The following F8 variants were observed in gnomAD, a reference collection of about 807,000 sequenced individuals.
The protein encoded by F8 is antihemophilic factor.
A neutral mutation model predicts 140.6 loss-of-function variants in F8; 12 were observed. That is an observed-to-expected ratio of 0.09 (90% CI 0.05 to 0.14). F8 has a LOEUF of 0.14. Ranked by LOEUF, F8 falls within the 10% of genes least tolerant of loss-of-function variation. The pLI, the probability that F8 is intolerant of heterozygous loss-of-function variation, is 1.00. For synonymous variants in F8, 585 were observed against 614.6 expected, an observed-to-expected ratio of 0.95 and a Z score of 0.71; for missense variants, 1,354 against 1,720.7, an observed-to-expected ratio of 0.79 and a Z score of 3.77.
At position 154,930,571 on chromosome X, in the gene F8, T is replaced by G; in HGVS notation, c.3219A>C (p.Lys1073Asn). ...GATTTAGCCTCAAAGCTGTAGCATTTTTGTCCATAAGCATTCTGTCATGAA... is the reference window on the plus strand; with the variant it reads ...GATTTAGCCTCAAAGCTGTAGCATTGTTGTCCATAAGCATTCTGTCATGAA... Reference protein sequence around the residue: ...PLIHDRMLMDKNATALRLNHM... With the variant: ...PLIHDRMLMDNNATALRLNHM... Residue 1073 changes from lysine to asparagine, a missense_variant, in exon 14 of 26, where the codon AAA (lysine) becomes AAC (asparagine). Around this residue, in one of 4 missense-constraint regions of F8, gnomAD observed 658 missense variants for 666.5 expected, o/e 0.99. Transcript: ENST00000360256. The G allele has an allele frequency of 1.7e-6, 2 of 1,211,006 alleles. No individual in the cohort carries two copies. The highest frequency in any genetic ancestry group is 2.2e-6 in the Non-Finnish European group (2 of 894,605).
At chrX:154,903,335 C>A (rs1268626128) in intron 18 of F8, among the ~76,000 whole-genome samples, 1 of 111,071 alleles carries the variant, frequency 9.0e-6, no homozygotes, top group Non-Finnish European at 1.9e-5. Flanking sequence ...CAGGTATATA[C>A]CACATGTCTG....
At chrX:155,015,053 G>A (rs1557286912) in intron 1 of F8, among the ~76,000 whole-genome samples, 2 of 112,249 alleles carry the variant, frequency 1.8e-5, no homozygotes, top group South Asian at 7.3e-4. Flanking sequence ...AAAACAATCT[G>A]GTACTGGCAT....
chrX:154,874,842 C>T (rs1444461222), intron 22 of F8, among the ~76,000 whole-genome samples: 1 of 112,041 alleles, frequency 8.9e-6, no homozygotes, highest in Non-Finnish European at 1.9e-5. Context: ...CTGGCAATCT[C>T]ACTTCTGTTA....
intron 2 of F8, 76 bp from the exon 3 acceptor site, chrX:154,997,171 T>C: frequency 1.8e-6 from 2 of 1,129,729 alleles, no homozygotes. Flanking sequence ...AAAGTTAGAG[T>C]CAAGGTCACA....
At chrX:154,907,061 CTGGA>C (rs1227096290) in intron 14 of F8, among the ~76,000 whole-genome samples, 41 of 112,030 alleles carry the variant, frequency 3.7e-4, no homozygotes, top group African/African-American at 1.2e-3. Flanking sequence ...ACAAGACTCA[CTGGA>C]TGTCCCTTTT....
rs139232325 is a variant in F8 at position 154,974,219 on chromosome X, G to C, written c.788-4667C>G. 5.7e-3 allele frequency among the ~76,000 whole-genome samples: 639 copies of C among 111,664 alleles called. 7 individuals carry two copies. The highest frequency in any genetic ancestry group is 0.02 in the African/African-American group (607 of 30,718). ...GTGTTGAATAGAAGTGGTGAGGGTG[G>C]ATATGCTTGTCTTATTCCAGTTCTT... On this transcript the variant is annotated intron_variant, in intron 6 of 25. Coordinates refer to ENST00000360256, the MANE Select transcript of F8 (RefSeq NM_000132.4).
intron 14 of F8, among the ~76,000 whole-genome samples, chrX:154,926,292 T>C: frequency 8.9e-6 from 1 of 112,297 alleles, no homozygotes; most frequent in East Asian, 2.8e-4. Context: ...TACAGGATCC[T>C]TTACAGATTA....
At chrX:154,947,621 G>A (rs2124081924) in intron 13 of F8, 77 bp downstream of exon 13, 2 of 756,272 alleles carry the variant, frequency 2.6e-6, no homozygotes, top group Non-Finnish European at 4.1e-6. Context: ...CAGCATGTGA[G>A]CTAGTGGGCA....
chrX:154,965,802 T>A, intron 9 of F8, 168 bp downstream of exon 9: 1 of 485,071 alleles, frequency 2.1e-6, no homozygotes, highest in Non-Finnish European at 3.4e-6. Context: ...TTTTATTCTA[T>A]ATACTCAAAC....
intron 22 of F8, among the ~76,000 whole-genome samples, chrX:154,877,330 G>A (rs368554405): frequency 8.3e-4 from 93 of 111,721 alleles, no homozygotes; most frequent in African/African-American, 3.0e-3. Flanking sequence ...GGCCTTGAAA[G>A]TGAGAGAGAG....
chrX:154,877,916 T>C (rs1247065913), intron 22 of F8, among the ~76,000 whole-genome samples: 8 of 111,642 alleles, frequency 7.2e-5, no homozygotes, highest in African/African-American at 2.6e-4. Context: ...ATTCAACAAA[T>C]AGTTAATGAC....
chrX:154,975,660 T>C (rs1307105937), intron 6 of F8, among the ~76,000 whole-genome samples: 1 of 112,170 alleles, frequency 8.9e-6, no homozygotes, highest in African/African-American at 3.2e-5. Context: ...AAGTGGGGTG[T>C]TAAAGTTTTC....
intron 25 of F8, among the ~76,000 whole-genome samples, chrX:154,841,468 T>TA (rs2072521567): frequency 1.8e-5 from 2 of 109,937 alleles, no homozygotes; most frequent in Non-Finnish European, 3.8e-5. Context: ...TTGGAATTTT[T>TA]AAATGCTATT....
At chrX:154,962,726 CG>C (rs2073401849) in intron 9 of F8, among the ~76,000 whole-genome samples, 1 of 110,714 alleles carries the variant, frequency 9.0e-6, no homozygotes, top group African/African-American at 3.3e-5. Context: ...ATTAGCTAGG[CG>C]TGGTGGTGCA....
chrX:154,977,156 A>T (rs1400139341), intron 6 of F8, among the ~76,000 whole-genome samples: 5 of 112,064 alleles, frequency 4.5e-5, no homozygotes, highest in African/African-American at 1.6e-4. Flanking sequence ...ATTGCAAGAA[A>T]ATTTTTTAAA....
chrX:154,908,617 T>C (rs1484456259), intron 14 of F8, among the ~76,000 whole-genome samples: 1 of 112,422 alleles, frequency 8.9e-6, no homozygotes, highest in African/African-American at 3.2e-5. Flanking sequence ...CTTTAAAGTT[T>C]CTCAGTAAAT....
chrX:154,875,416 C>T (rs782770801), intron 22 of F8, among the ~76,000 whole-genome samples: 1 of 112,056 alleles, frequency 8.9e-6, no homozygotes, highest in East Asian at 2.8e-4. Flanking sequence ...TCTTAATTAG[C>T]TTGCTTGTGG....
intron 14 of F8, among the ~76,000 whole-genome samples, chrX:154,911,850 C>T (rs952180754): frequency 8.0e-5 from 9 of 112,251 alleles, no homozygotes; most frequent in Non-Finnish European, 1.9e-5. Context: ...CCTTTTGCCA[C>T]ATCCTCATCA....
chrX:154,966,703 C>G lies in F8; in HGVS notation c.1010-16G>C. ...TCCATGCCATCTGGAGTCAGACAAA[C>G]CAAACAATGTCAGAGTGTCTTGCTA... is the stretch of plus-strand genomic sequence containing the variant. On this transcript the variant is annotated splice_polypyrimidine_tract_variant and intron_variant, in intron 7 of 25. Coordinates refer to ENST00000360256, the MANE Select transcript of F8 (RefSeq NM_000132.4). 8.3e-7 allele frequency: 1 copy of G among 1,209,588 alleles called. No homozygotes were observed. Among genetic ancestry groups the G allele is most frequent in the South Asian group, 1.8e-5 (1 of 56,968 alleles).
Sources: allele counts gnomAD v4.1 joint callset (sites outside exome capture counted in the v4.1 genomes callset), GRCh38; gene constraint gnomAD v4.1.1; regional missense constraint gnomAD v4.1.1; transcripts MANE v1.5; gene names NCBI Gene and HGNC (gene_info 2026-07-23, HGNC 2026-07-21).